The following SMCHD1 variants were observed in gnomAD, a reference collection of about 807,000 sequenced individuals.
SMCHD1 encodes the protein structural maintenance of chromosomes flexible hinge domain containing 1.
In SMCHD1, 78 loss-of-function variants were observed where a neutral mutation model predicts 254.7. The ratio of observed to expected loss-of-function variants is 0.31; its 90% confidence interval spans 0.26 to 0.37. SMCHD1 has a LOEUF of 0.37. Ranked by LOEUF, SMCHD1 falls within the 10% of genes least tolerant of loss-of-function variation. SMCHD1 has a pLI of 1.00. For synonymous variants in SMCHD1, 766 were observed against 794.9 expected, an observed-to-expected ratio of 0.96 and a Z score of 0.61; for missense variants, 1,840 against 2,408.1, an observed-to-expected ratio of 0.76 and a Z score of 4.94.
At position 2,771,567 on chromosome 18, in the gene SMCHD1, A is replaced by G. The variant is rs777769712; in HGVS notation, c.5001A>G (p.Gln1667=). The change falls in exon 40 of 48, where the codon CAA becomes CAG. Residue 1667 remains glutamine, a synonymous_variant. Coordinates refer to ENST00000320876, the MANE Select transcript of SMCHD1 (RefSeq NM_015295.3). ...QVEEARLKEA[Q]LRNELKIHNI... is the part of the protein sequence containing the mutation. ...AAGAAGCAAGATTAAAAGAGGCCCA[A>G]TTGCGAAATGAACTAAAAATACATA... 6.4e-7 allele frequency: 1 copy of G among 1,567,588 alleles called. No homozygotes were observed. The highest frequency in any genetic ancestry group is 2.2e-5 in the Admixed American group (1 of 46,326).
At chr18:2,694,728 A>G in intron 8 of SMCHD1, 35 bp downstream of exon 8, 1 of 1,585,882 alleles carries the variant, frequency 6.3e-7, no homozygotes, top group Non-Finnish European at 8.6e-7. Context: ...AAATGTTGCT[A>G]CTTAACTTTT....
chr18:2,765,357 A>G (rs1188867094), intron 37 of SMCHD1, among the ~76,000 whole-genome samples: 1 of 152,176 alleles, frequency 6.6e-6, no homozygotes, highest in Non-Finnish European at 1.5e-5. Flanking sequence ...TAACAGTACT[A>G]ATAGATATGA....
intron 28 of SMCHD1, 85 bp downstream of exon 28, chr18:2,740,906 A>T (rs557028806): frequency 1.3e-6 from 1 of 747,252 alleles, no homozygotes; most frequent in South Asian, 2.1e-5. Context: ...TAGTATAAGA[A>T]AAAAGTTTGA....
chr18:2,708,377 C>T (rs567167889), intron 17 of SMCHD1, among the ~76,000 whole-genome samples: 2 of 152,112 alleles, frequency 1.3e-5, no homozygotes, highest in South Asian at 2.1e-4. Context: ...TTAGAAGTTA[C>T]TCTCAGCTGG....
intron 7 of SMCHD1, among the ~76,000 whole-genome samples, chr18:2,692,383 TAAAAG>T (rs908201811): frequency 3.3e-5 from 5 of 152,184 alleles, no homozygotes; most frequent in Admixed American, 6.5e-5. Flanking sequence ...CCATGTCTCT[TAAAAG>T]AAAGAGATCA....
chr18:2,706,729 T>C (rs925948341), intron 15 of SMCHD1, among the ~76,000 whole-genome samples: 5 of 152,206 alleles, frequency 3.3e-5, no homozygotes, highest in African/African-American at 1.2e-4. Flanking sequence ...TTAACATGTT[T>C]TAAAAAAACT....
intron 5 of SMCHD1, among the ~76,000 whole-genome samples, chr18:2,674,878 C>T (rs991232050): frequency 3.3e-5 from 5 of 152,174 alleles, no homozygotes; most frequent in African/African-American, 1.2e-4. Flanking sequence ...AAGGATCAAT[C>T]TCAGTGTGTT....
chr18:2,785,177 A>G lies in SMCHD1; in HGVS notation c.5719+556A>G, dbSNP rs754300742. The stretch of plus-strand genomic sequence containing the variant: ...CCTGCACGTCTGTGCTCTGAAGTGC[A>G]TATACTTACCAGGAAGTCTCCTTAC... On this transcript the variant is annotated intron_variant, in intron 45 of 47. Coordinates refer to ENST00000320876, the MANE Select transcript of SMCHD1 (RefSeq NM_015295.3). Among the ~76,000 whole-genome samples the G allele has an allele frequency of 2.0e-5, 3 of 152,312 alleles. No homozygotes were observed. The East Asian group carries it at 5.8e-4, about 29-fold the overall frequency.
chr18:2,702,527 C>CTT (rs148808141), intron 12 of SMCHD1, among the ~76,000 whole-genome samples: 11,732 of 152,086 alleles, frequency 0.077, 569 homozygotes, highest in Non-Finnish European at 0.11. Context: ...GGTTGTCAGA[C>CTT]TTTCTGGTTC....
intron 5 of SMCHD1, among the ~76,000 whole-genome samples, chr18:2,679,290 A>AAC (rs1286129239): frequency 0.019 from 2 of 108 alleles, no homozygotes; most frequent in Non-Finnish European, 0.048. Context: ...CATCCTGGCT[A>AAC]ACACAGTGAA....
chr18:2,784,244 G>A (rs1249162300), intron 44 of SMCHD1, among the ~76,000 whole-genome samples: 1 of 152,064 alleles, frequency 6.6e-6, no homozygotes, highest in Non-Finnish European at 1.5e-5. Context: ...TTCTAGTTTA[G>A]GCTGACATTT....
chr18:2,656,591 T>C (rs1430439821), intron 1 of SMCHD1, among the ~76,000 whole-genome samples: 1 of 152,260 alleles, frequency 6.6e-6, no homozygotes, highest in Non-Finnish European at 1.5e-5. Context: ...CCCTGCAGTC[T>C]AGGGAAAGCC....
At chr18:2,705,439 G>T (rs1173604883) in intron 13 of SMCHD1, among the ~76,000 whole-genome samples, 1 of 152,060 alleles carries the variant, frequency 6.6e-6, no homozygotes, top group Non-Finnish European at 1.5e-5. Flanking sequence ...TTCTGGACTT[G>T]TAAGACACAT....
intron 45 of SMCHD1, 101 bp from the exon 46 acceptor site, chr18:2,795,848 G>A: frequency 1.1e-6 from 1 of 928,980 alleles, no homozygotes; most frequent in South Asian, 1.9e-5. Context: ...GATCCCCTAT[G>A]TTACCATAAC....
Position 2,750,367 on chromosome 18 carries a change from A to G in SMCHD1, c.4025A>G (p.Gln1342Arg), listed in dbSNP as rs775109874. ...TTTGTTAGGGGAGAGCATACTCTTC[A>G]GGTTAAAGCCATCTATAACAAAAGT... The part of the protein sequence containing the change: ...VFAPRGEHTL[Q>R]VKAIYNKSII... Residue 1342 changes from glutamine to arginine, a missense_variant, in exon 32 of 48, where the codon CAG becomes CGG. By Grantham distance (43) the Gln-to-Arg change is conservative. Around this residue, in one of 9 missense-constraint regions of SMCHD1, gnomAD observed 881 missense variants for 1,009.5 expected, o/e 0.87. Coordinates refer to ENST00000320876, the MANE Select transcript of SMCHD1 (RefSeq NM_015295.3). The G allele has an allele frequency of 1.2e-6, 2 of 1,611,928 alleles. No individual in the cohort carries two copies. The highest frequency in any genetic ancestry group is 1.1e-5 in the South Asian group (1 of 90,796).
At chr18:2,681,134 C>T (rs557152844) in intron 5 of SMCHD1, among the ~76,000 whole-genome samples, 3 of 151,714 alleles carry the variant, frequency 2.0e-5, no homozygotes, top group East Asian at 1.9e-4. Context: ...AGGTGTAGTC[C>T]GGGCATGGTG....
intron 10 of SMCHD1, among the ~76,000 whole-genome samples, chr18:2,699,803 G>T (rs1168329338): frequency 6.6e-6 from 1 of 152,224 alleles, no homozygotes; most frequent in East Asian, 1.9e-4. Context: ...ATTGAAAGCA[G>T]CTTTTATATA....
At chr18:2,680,493 G>C (rs2073900245) in intron 5 of SMCHD1, among the ~76,000 whole-genome samples, 1 of 152,180 alleles carries the variant, frequency 6.6e-6, no homozygotes, top group African/African-American at 2.4e-5. Context: ...TTGCTGAGGG[G>C]CTCTGTGTGC....
At chr18:2,689,510 C>T (rs760243471) in intron 7 of SMCHD1, among the ~76,000 whole-genome samples, 6 of 151,684 alleles carry the variant, frequency 4.0e-5, no homozygotes, top group East Asian at 1.9e-4. Context: ...CGTGAGCCAC[C>T]GCGCCCAGCC....
Sources: allele counts gnomAD v4.1 joint callset (sites outside exome capture counted in the v4.1 genomes callset), GRCh38; gene constraint gnomAD v4.1.1; regional missense constraint gnomAD v4.1.1; transcripts MANE v1.5; gene names NCBI Gene and HGNC (gene_info 2026-07-23, HGNC 2026-07-21).